RAB3C: variants seen among roughly 807,000 people sequenced by gnomAD.
RAB3C encodes RAB3C, member RAS oncogene family.
In RAB3C, 17 loss-of-function variants were observed where a neutral mutation model predicts 26.4. The ratio of observed to expected loss-of-function variants is 0.64; its 90% CI spans 0.44 to 0.97. The LOEUF is 0.97. Ranked by LOEUF, RAB3C falls within the 50% of genes least tolerant of loss-of-function variation. The pLI is 0.00. For synonymous variants in RAB3C, 91 were observed against 95.9 expected, an observed-to-expected ratio of 0.95 and a Z score of 0.30; for missense variants, 242 against 281.9, an observed-to-expected ratio of 0.86 and a Z score of 1.01.
At chr5:58,845,056 GATT>G (rs1338862146) in intron 4 of RAB3C, among the ~76,000 whole-genome samples, 5 of 152,194 alleles carry the variant, frequency 3.3e-5, no homozygotes, top group Admixed American at 6.5e-5. Flanking sequence ...CTGTGATTGT[GATT>G]ATTACCATTA....
At chr5:58,650,692 T>G (rs1031649252) in intron 2 of RAB3C, among the ~76,000 whole-genome samples, 1 of 152,212 alleles carries the variant, frequency 6.6e-6, no homozygotes, top group Non-Finnish European at 1.5e-5. Context: ...TCATATTTGC[T>G]AAGCCTCTTT....
At chr5:58,698,852 C>G (rs1193941015) in intron 2 of RAB3C, among the ~76,000 whole-genome samples, 1 of 152,104 alleles carries the variant, frequency 6.6e-6, no homozygotes, top group Non-Finnish European at 1.5e-5. Flanking sequence ...TGTTTAACTT[C>G]CTTGTGATGG....
At chr5:58,697,657 G>C (rs1195608036) in intron 2 of RAB3C, among the ~76,000 whole-genome samples, 1 of 152,170 alleles carries the variant, frequency 6.6e-6, no homozygotes, top group Non-Finnish European at 1.5e-5. Context: ...TTGTTGAATT[G>C]ATCCCTTTAC....
At chr5:58,716,044 A>AG in intron 2 of RAB3C, among the ~76,000 whole-genome samples, 1 of 147,122 alleles carries the variant, frequency 6.8e-6, no homozygotes, top group African/African-American at 2.6e-5. Context: ...AAAAAAGAAA[A>AG]GGAAAAAAAA....
intron 2 of RAB3C, among the ~76,000 whole-genome samples, chr5:58,690,269 T>C (rs1379463147): frequency 6.6e-6 from 1 of 152,184 alleles, no homozygotes; most frequent in Non-Finnish European, 1.5e-5. Context: ...CAATGGTAAC[T>C]GAATTCATTC....
intron 3 of RAB3C, among the ~76,000 whole-genome samples, chr5:58,779,756 T>G (rs1459563112): frequency 6.6e-6 from 1 of 152,128 alleles, no homozygotes; most frequent in Non-Finnish European, 1.5e-5. Flanking sequence ...GGTCTTTGTG[T>G]ACTGGGCTAT....
At chr5:58,762,775 C>T (rs1409974119) in intron 3 of RAB3C, among the ~76,000 whole-genome samples, 1 of 143,708 alleles carries the variant, frequency 7.0e-6, no homozygotes, top group African/African-American at 2.5e-5. Flanking sequence ...TCCATTTATC[C>T]TTTTTACAGA....
At chr5:58,627,490 A>C (rs1747081669) in intron 2 of RAB3C, among the ~76,000 whole-genome samples, 1 of 61,594 alleles carries the variant, frequency 1.6e-5, no homozygotes, top group South Asian at 4.6e-4. Context: ...AAAAAAAAAA[A>C]AAAAAAAAAA....
intron 2 of RAB3C, among the ~76,000 whole-genome samples, chr5:58,676,376 G>T (rs748975496): frequency 2.0e-5 from 3 of 151,944 alleles, no homozygotes; most frequent in Non-Finnish European, 2.9e-5. Context: ...GGTGGCAGGC[G>T]CTTGTAATCC....
intron 2 of RAB3C, among the ~76,000 whole-genome samples, chr5:58,725,420 A>G (rs1007814622): frequency 1.3e-5 from 2 of 151,836 alleles, no homozygotes; most frequent in African/African-American, 4.8e-5. Flanking sequence ...TATTTGGGTC[A>G]AATCTGTTTG....
Position 58,851,150 on chromosome 5 carries a change from TG to T in RAB3C, c.497-13del. ...GCAAAATAACCAAGATGTGTTTCTG[TG>T]TGTTTCTTCCAGGGTTTGAGTTTTT... On this transcript the variant is annotated splice_polypyrimidine_tract_variant and intron_variant, in intron 4 of 4. Transcript: ENST00000282878. The T allele has an allele frequency of 6.3e-7, 1 of 1,583,698 alleles. No individual in the cohort carries two copies.
chr5:58,627,494 A>C (rs1180416010), intron 2 of RAB3C, among the ~76,000 whole-genome samples: 2 of 61,010 alleles, frequency 3.3e-5, no homozygotes, highest in South Asian at 4.5e-4. Flanking sequence ...AAAAAAAAAA[A>C]AAAAAAAAAA....
Position 58,855,078 on chromosome 5 carries a change from A to T in RAB3C, c.*3727A>T, listed in dbSNP as rs1054186973. The T allele has an allele frequency of 1.1e-4, 16 of 152,172 alleles. 1 individual carries two copies. The highest frequency in any genetic ancestry group is 3.9e-4 in the African/African-American group (16 of 41,438). 9.4% of individuals were successfully genotyped at this position (152,172 alleles called of 1,614,324 possible). On this transcript the variant is annotated 3_prime_UTR_variant, in exon 5 of 5. Transcript: ENST00000282878. ...TTAATTTTAGAGCATGGTAGTCCAT[A>T]ATCAGTGGTTCATTGTGATGTGCTT...
intron 3 of RAB3C, among the ~76,000 whole-genome samples, chr5:58,765,309 C>T (rs1056618255): frequency 1.3e-5 from 2 of 152,108 alleles, no homozygotes; most frequent in Non-Finnish European, 1.5e-5. Context: ...TCACCTCCCT[C>T]AGCTTACATT....
chr5:58,723,604 C>T (rs954086672), intron 2 of RAB3C, among the ~76,000 whole-genome samples: 1 of 151,754 alleles, frequency 6.6e-6, no homozygotes, highest in Admixed American at 6.6e-5. Flanking sequence ...GGGGTGTAAG[C>T]ATCTAAGCAG....
chr5:58,784,246 A>G (rs1313851443), intron 3 of RAB3C, among the ~76,000 whole-genome samples: 3 of 152,202 alleles, frequency 2.0e-5, no homozygotes, highest in African/African-American at 7.2e-5. Context: ...GTCTGTTCTC[A>G]TGCTGCTAAT....
At chr5:58,670,221 C>A (rs187345888) in intron 2 of RAB3C, among the ~76,000 whole-genome samples, 11 of 152,208 alleles carry the variant, frequency 7.2e-5, no homozygotes, top group Admixed American at 7.2e-4. Flanking sequence ...CTTCCTGATG[C>A]CTTCATGGAC....
intron 2 of RAB3C, among the ~76,000 whole-genome samples, chr5:58,722,583 C>T (rs1324106511): frequency 6.6e-6 from 1 of 151,804 alleles, no homozygotes; most frequent in Non-Finnish European, 1.5e-5. Context: ...AGGGGTTATG[C>T]TCCCCAGAAA....
chr5:58,823,417 AG>A (rs1314580663), intron 3 of RAB3C, among the ~76,000 whole-genome samples: 3 of 151,950 alleles, frequency 2.0e-5, no homozygotes, highest in African/African-American at 7.3e-5. Flanking sequence ...CCAGCTACTC[AG>A]GGGGCTGAGG....
Sources: gnomAD v4.1 joint callset for allele counts (sites outside exome capture counted in the v4.1 genomes callset) on GRCh38, gnomAD v4.1.1 for gene constraint, MANE v1.5 for transcripts, NCBI Gene and HGNC (gene_info 2026-07-23, HGNC 2026-07-21) for gene names.